The following SLC25A26 variants were observed in gnomAD, a reference collection of about 807,000 sequenced individuals.
SLC25A26 encodes the protein mitochondrial S-adenosylmethionine carrier protein.
A neutral mutation model predicts 37.8 loss-of-function variants in SLC25A26; 36 were observed. The observed-to-expected ratio is 0.95, with a 90% CI of 0.73 to 1.26. The LOEUF (loss-of-function observed/expected upper bound fraction) is 1.26. Among genes scored for constraint, SLC25A26 ranks in the 50% most tolerant of loss-of-function variants. The pLI, the probability that SLC25A26 is intolerant of heterozygous loss-of-function variation, is 0.00. For synonymous variants in SLC25A26, 129 were observed against 122.5 expected (o/e 1.05, Z -0.35); for missense variants, 390 against 331.1 (o/e 1.18, Z -1.38).
At chr3:66,314,547 T>C (rs1447855144) in intron 5 of SLC25A26, among the ~76,000 whole-genome samples, 2 of 152,208 alleles carry the variant, frequency 1.3e-5, no homozygotes, top group Non-Finnish European at 2.9e-5. Context: ...TTTACATTGA[T>C]GTTCATCAGG....
chr3:66,352,640 A>G (rs2076485101), intron 6 of SLC25A26, among the ~76,000 whole-genome samples: 2 of 152,056 alleles, frequency 1.3e-5, no homozygotes, highest in Non-Finnish European at 2.9e-5. Flanking sequence ...AAATATATAA[A>G]TAGTGTATAT....
intron 9 of SLC25A26, among the ~76,000 whole-genome samples, chr3:66,375,925 A>G (rs1700622021): frequency 6.6e-6 from 1 of 151,808 alleles, no homozygotes; most frequent in Admixed American, 6.6e-5. Flanking sequence ...CCTTCTAGAA[A>G]GGAGTCACCA....
At chr3:66,295,577 G>A (rs971451309) in intron 5 of SLC25A26, among the ~76,000 whole-genome samples, 7 of 151,650 alleles carry the variant, frequency 4.6e-5, no homozygotes, top group African/African-American at 1.7e-4. Context: ...AATTTTTTGT[G>A]TGTTTAGTAG....
intron 1 of SLC25A26, among the ~76,000 whole-genome samples, chr3:66,200,538 A>C (rs2071095970): frequency 1.3e-5 from 2 of 152,234 alleles, no homozygotes; most frequent in Non-Finnish European, 2.9e-5. Flanking sequence ...GTTACTGCTT[A>C]TTGTGGTTGC....
At chr3:66,347,428 C>T (rs1053958107) in intron 6 of SLC25A26, among the ~76,000 whole-genome samples, 2 of 152,122 alleles carry the variant, frequency 1.3e-5, no homozygotes, top group African/African-American at 2.4e-5. Context: ...AATGAGATAC[C>T]GTCTCACACC....
intron 1 of SLC25A26, among the ~76,000 whole-genome samples, chr3:66,190,929 G>A (rs2106789119): frequency 6.6e-6 from 1 of 152,326 alleles, no homozygotes; most frequent in African/African-American, 2.4e-5. Flanking sequence ...TAATCAAGAT[G>A]AATATGAGTT....
intron 1 of SLC25A26, among the ~76,000 whole-genome samples, chr3:66,208,900 G>GTA (rs1196181923): frequency 2.2e-4 from 13 of 60,076 alleles, no homozygotes; most frequent in South Asian, 4.5e-4. Context: ...CTTTATATGG[G>GTA]TATATATATA....
Position 66,321,438 on chromosome 3 carries a change from G to C in SLC25A26, c.454-24926G>C, listed in dbSNP as rs144004678. Among the ~76,000 whole-genome samples, 37 of 152,302 alleles carry C rather than the reference G, an allele frequency of 2.4e-4. 1 individual carries two copies. In the East Asian group the frequency reaches 7.0e-3, roughly 29 times the overall value. ...GGCTCTCAGAGTGCGCTAGTATGGA[G>C]TGCTGATAGTTGGTTTGATGTTCCT... is the stretch of plus-strand genomic sequence containing the variant. On this transcript the variant is annotated intron_variant, in intron 5 of 9. Coordinates refer to ENST00000354883, the MANE Select transcript of SLC25A26 (RefSeq NM_001379210.1).
chr3:66,370,480 G>T, intron 8 of SLC25A26, 49 bp from the exon 9 acceptor site: 1 of 1,467,328 alleles, frequency 6.8e-7, no homozygotes, highest in Non-Finnish European at 9.5e-7. Flanking sequence ...GCAAGTGTGT[G>T]ATTGGGAGCT....
intron 1 of SLC25A26, among the ~76,000 whole-genome samples, chr3:66,210,363 C>A: frequency 6.6e-6 from 1 of 152,170 alleles, no homozygotes; most frequent in Middle Eastern, 3.4e-3. Flanking sequence ...AAAAGACAAT[C>A]TCCCTTAGGA....
chr3:66,230,357 A>G (rs1354988956), intron 1 of SLC25A26, among the ~76,000 whole-genome samples: 1 of 152,166 alleles, frequency 6.6e-6, no homozygotes, highest in Non-Finnish European at 1.5e-5. Context: ...TCTGACTGGA[A>G]AATTGGGAAA....
At chr3:66,265,458 C>T (rs1406128724) in intron 5 of SLC25A26, among the ~76,000 whole-genome samples, 1 of 152,196 alleles carries the variant, frequency 6.6e-6, no homozygotes, top group Non-Finnish European at 1.5e-5. Flanking sequence ...ACACAATTCT[C>T]TGTTAAAGAA....
At chr3:66,314,578 T>C (rs184678924) in intron 5 of SLC25A26, among the ~76,000 whole-genome samples, 1 of 152,202 alleles carries the variant, frequency 6.6e-6, no homozygotes, top group Admixed American at 6.5e-5. Context: ...TGAAGTTTTG[T>C]TTTTTGTTGT....
At chr3:66,288,228 G>C (rs998218201) in intron 5 of SLC25A26, among the ~76,000 whole-genome samples, 8 of 152,168 alleles carry the variant, frequency 5.3e-5, no homozygotes, top group African/African-American at 1.9e-4. Context: ...GTGAATCCCT[G>C]TCTCTGAATG....
intron 5 of SLC25A26, among the ~76,000 whole-genome samples, chr3:66,273,267 A>G (rs938913087): frequency 6.6e-6 from 1 of 152,052 alleles, no homozygotes; most frequent in Non-Finnish European, 1.5e-5. Flanking sequence ...TTCTGGTTGT[A>G]TCTCTGCCTG....
intron 5 of SLC25A26, among the ~76,000 whole-genome samples, chr3:66,267,534 GC>G (rs1396281028): frequency 1.3e-5 from 2 of 152,186 alleles, no homozygotes; most frequent in Non-Finnish European, 2.9e-5. Flanking sequence ...AGGATAACTT[GC>G]TGGTATCTGA....
chr3:66,222,786 C>A (rs1207796125), intron 1 of SLC25A26, among the ~76,000 whole-genome samples: 4 of 152,092 alleles, frequency 2.6e-5, no homozygotes, highest in Non-Finnish European at 5.9e-5. Context: ...TTGATACTCT[C>A]CGAAGTCAGC....
chr3:66,271,207 G>A (rs1469456028), intron 5 of SLC25A26, among the ~76,000 whole-genome samples: 1 of 152,146 alleles, frequency 6.6e-6, no homozygotes, highest in Non-Finnish European at 1.5e-5. Flanking sequence ...TCGTCTTCGT[G>A]AGTCCATTTG....
intron 5 of SLC25A26, among the ~76,000 whole-genome samples, chr3:66,328,744 A>C (rs771228357): frequency 1.3e-5 from 2 of 152,178 alleles, no homozygotes; most frequent in Admixed American, 6.5e-5. Flanking sequence ...TTCTCTTTAT[A>C]AGATTTTTCT....
Sources: gnomAD v4.1 joint callset for allele counts (sites outside exome capture counted in the v4.1 genomes callset) on GRCh38, gnomAD v4.1.1 for gene constraint, MANE v1.5 for transcripts, NCBI Gene and HGNC (gene_info 2026-07-23, HGNC 2026-07-21) for gene names.